Variants in POU2F3 observed in about 807,000 individuals in gnomAD.
POU2F3 encodes POU domain, class 2, transcription factor 3.
A neutral mutation model predicts 59.2 loss-of-function variants in POU2F3; 23 were observed. The ratio of observed to expected loss-of-function variants is 0.39; its 90% CI spans 0.28 to 0.55. POU2F3 has a LOEUF of 0.55. Ranked by LOEUF, POU2F3 falls within the 20% of genes least tolerant of loss-of-function variation. The pLI is 0.66. For synonymous variants in POU2F3, 190 were observed against 214.6 expected (o/e 0.89, Z 1.00); for missense variants, 473 against 544.5 (o/e 0.87, Z 1.31).
chr11:120,292,874 A>G (rs1455551627), intron 3 of POU2F3, among the ~76,000 whole-genome samples: 2 of 152,242 alleles, frequency 1.3e-5, no homozygotes, highest in African/African-American at 2.4e-5. Context: ...TATATTCCAG[A>G]GGGAGAAGAA....
At chr11:120,262,979 ATTTATTTATTTAT>A (rs1018226552) in intron 2 of POU2F3, among the ~76,000 whole-genome samples, 22 of 103,994 alleles carry the variant, frequency 2.1e-4, no homozygotes, top group African/African-American at 1.1e-3. Context: ...TTATTTATTT[ATTTATTTATTTAT>A]TTATTATTAT....
intron 10 of POU2F3, among the ~76,000 whole-genome samples, chr11:120,314,095 T>C (rs895217455): frequency 6.6e-6 from 1 of 152,164 alleles, no homozygotes; most frequent in East Asian, 1.9e-4. Flanking sequence ...AGATTATTGA[T>C]AACATCTCTT....
At chr11:120,273,417 C>T (rs1176857548) in intron 3 of POU2F3, among the ~76,000 whole-genome samples, 2 of 152,130 alleles carry the variant, frequency 1.3e-5, no homozygotes, top group Non-Finnish European at 2.9e-5. Context: ...AAGAGTAGGG[C>T]TTTGACTAGC....
Position 120,240,295 on chromosome 11 carries a change from G to A in POU2F3, c.-49G>A, listed in dbSNP as rs1319395761. 3 of 1,308,518 alleles carry A rather than the reference G, an allele frequency of 2.3e-6. No homozygotes were observed. The highest frequency in any genetic ancestry group is 2.9e-6 in the Non-Finnish European group (3 of 1,020,160). The allele number at this position is 1,308,518 out of a possible 1,614,324, so 81.1% of individuals were successfully genotyped here. A position where few individuals can be genotyped will look rare whatever the true frequency, so the allele number is the denominator to read the frequency against. ...CTTCGCAGGGGCCCCGGCTGGGGCAGAGGCGAGGGGCCTGGGGGGGCGCTG... is the reference window on the plus strand; with the variant it reads ...CTTCGCAGGGGCCCCGGCTGGGGCAAAGGCGAGGGGCCTGGGGGGGCGCTG... On this transcript the variant is annotated 5_prime_UTR_variant, in exon 1 of 13. Transcript: ENST00000543440.
intron 11 of POU2F3, among the ~76,000 whole-genome samples, chr11:120,316,970 G>A (rs138149358): frequency 6.6e-6 from 1 of 152,216 alleles, no homozygotes; most frequent in African/African-American, 2.4e-5. Context: ...CTTGGATTTG[G>A]CAAGTCTTAG....
intron 2 of POU2F3, among the ~76,000 whole-genome samples, chr11:120,252,420 C>T (rs913814142): frequency 6.6e-6 from 1 of 151,832 alleles, no homozygotes; most frequent in Non-Finnish European, 1.5e-5. Context: ...GTTGGCCAGG[C>T]TGGTCTCAAA....
chr11:120,303,644 C>G (rs1941405930), intron 6 of POU2F3: 1 of 152,144 alleles, frequency 6.6e-6, no homozygotes, highest in Admixed American at 6.5e-5. Flanking sequence ...CTGGTCTATG[C>G]CACACTCTCC....
intron 3 of POU2F3, among the ~76,000 whole-genome samples, chr11:120,289,908 C>T (rs994464702): frequency 6.6e-6 from 1 of 152,212 alleles, no homozygotes; most frequent in Non-Finnish European, 1.5e-5. Flanking sequence ...CTGACTTGCA[C>T]AGCCTCTCAA....
intron 3 of POU2F3, among the ~76,000 whole-genome samples, chr11:120,295,775 A>G (rs1423338567): frequency 6.6e-5 from 10 of 152,164 alleles, no homozygotes; most frequent in Non-Finnish European, 1.3e-4. Flanking sequence ...ACTCCCAGGC[A>G]GCCATGTTTT....
chr11:120,256,148 G>A (rs1939336099), intron 2 of POU2F3: 3 of 152,172 alleles, frequency 2.0e-5, no homozygotes, highest in Non-Finnish European at 4.4e-5. Flanking sequence ...ACATCAGTTA[G>A]TATTTGTAAG....
intron 3 of POU2F3, among the ~76,000 whole-genome samples, chr11:120,269,800 G>A (rs1322913830): frequency 1.3e-5 from 2 of 152,228 alleles, no homozygotes; most frequent in African/African-American, 4.8e-5. Flanking sequence ...TAGTTAGGAA[G>A]GGCTTTGGGC....
chr11:120,241,974 T>C (rs1438858246), intron 1 of POU2F3, among the ~76,000 whole-genome samples: 1 of 152,132 alleles, frequency 6.6e-6, no homozygotes, highest in Non-Finnish European at 1.5e-5. Context: ...AGACACCTTC[T>C]CCACCCTGTC....
At chr11:120,240,065 C>G, upstream of POU2F3, 1 of 1,100,060 alleles carries the variant, frequency 9.1e-7, no homozygotes, top group Non-Finnish European at 1.1e-6. Context: ...TTGCATGGGC[C>G]TGGGGCCAGG....
upstream of POU2F3, chr11:120,236,819 A>C (rs764419806): frequency 6.4e-6 from 7 of 1,092,822 alleles, no homozygotes; most frequent in African/African-American, 4.6e-5. Flanking sequence ...AACCCTATAC[A>C]CAGGTGGGAC....
chr11:120,285,127 T>C lies in POU2F3; in HGVS notation c.133-13138T>C, dbSNP rs562282073. ...TGTTAGTTACTTTACTATTCTTATTTGGCAAAATAAAACAACTGTATCTGA... is the reference window on the plus strand; with the variant it reads ...TGTTAGTTACTTTACTATTCTTATTCGGCAAAATAAAACAACTGTATCTGA... On this transcript the variant is annotated intron_variant, in intron 3 of 12. Coordinates refer to ENST00000543440, the MANE Select transcript of POU2F3 (RefSeq NM_014352.4). This position sits in a 1 kb window ranked among gnomAD's most constrained non-coding sequence, Gnocchi z 4.3. Among the ~76,000 whole-genome samples, 5 of 152,312 alleles carry C rather than the reference T, an allele frequency of 3.3e-5. No individual in the cohort carries two copies. Among genetic ancestry groups the C allele is most frequent in the South Asian group, 4.1e-4 (2 of 4,826 alleles).
intron 3 of POU2F3, among the ~76,000 whole-genome samples, chr11:120,272,734 A>C (rs1314709735): frequency 6.6e-6 from 1 of 152,130 alleles, no homozygotes; most frequent in Admixed American, 6.5e-5. Flanking sequence ...TCTGGGGGAA[A>C]AGGGTGGGAA....
chr11:120,301,203 CCT>C (rs1941338628), intron 5 of POU2F3: 1 of 403,380 alleles, frequency 2.5e-6, no homozygotes, highest in Non-Finnish European at 5.0e-6. Flanking sequence ...AGTTACCTAA[CCT>C]CTCTGAGCTT....
rs12417650 is a variant in POU2F3, at chr11:120,245,683, T to C, written c.29-766T>C. ...CAGCTGTCTGTTAAGGGTAAATGTTTAATTTATTGAAATGAAGCAGGGCAG... is the reference window on the plus strand; with the variant it reads ...CAGCTGTCTGTTAAGGGTAAATGTTCAATTTATTGAAATGAAGCAGGGCAG... On this transcript the variant is annotated intron_variant, in intron 1 of 12. Coordinates refer to ENST00000543440, the MANE Select transcript of POU2F3 (RefSeq NM_014352.4). 3.8e-3 allele frequency among the ~76,000 whole-genome samples: 580 copies of C among 152,218 alleles called. 11 individuals carry two copies. Among genetic ancestry groups the C allele is most frequent in the Admixed American group, 0.033 (511 of 15,288 alleles).
chr11:120,301,049 G>A (rs770765516), intron 5 of POU2F3: 8 of 456,172 alleles, frequency 1.8e-5, no homozygotes, highest in Non-Finnish European at 3.1e-5. Flanking sequence ...TCAGAAGACT[G>A]GAGAGCGACA....
Sources: gnomAD v4.1 joint callset for allele counts (sites outside exome capture counted in the v4.1 genomes callset) on GRCh38, gnomAD v4.1.1 for gene constraint, Gnocchi (gnomAD v3.1) non-coding constraint, MANE v1.5 for transcripts, NCBI Gene and HGNC (gene_info 2026-07-23, HGNC 2026-07-21) for gene names.